Variants in STX1B observed in about 807,000 individuals in gnomAD.
STX1B encodes syntaxin-1B.
Under a neutral mutation model 39.4 loss-of-function variants are expected in STX1B, and 7 were observed. The ratio of observed to expected loss-of-function variants is 0.18; its 90% CI spans 0.10 to 0.33. The LOEUF (loss-of-function observed/expected upper bound fraction) is 0.33, where lower values mean the gene tolerates loss of function less well. STX1B is among the 10% of genes least tolerant of loss of function. The pLI is 1.00. For missense variants in STX1B, 198 were observed against 383.2 expected (o/e 0.52, Z 4.04); for synonymous variants, 136 against 144.1 (o/e 0.94, Z 0.40).
At chr16:31,006,696 C>T (rs1288439805) in intron 1 of STX1B, among the ~76,000 whole-genome samples, 1 of 152,098 alleles carries the variant, frequency 6.6e-6, no homozygotes, top group Non-Finnish European at 1.5e-5. Context: ...CCTGAAGGAG[C>T]CAACTGTGCC....
At chr16:31,005,891 G>A (rs1002325203) in intron 1 of STX1B, among the ~76,000 whole-genome samples, 1 of 152,100 alleles carries the variant, frequency 6.6e-6, no homozygotes, top group Non-Finnish European at 1.5e-5. Context: ...CTCCTCAGGG[G>A]CCCCCTAAGT....
chr16:31,008,554 C>T (rs1035451531), intron 1 of STX1B, among the ~76,000 whole-genome samples: 8 of 152,222 alleles, frequency 5.3e-5, no homozygotes, highest in African/African-American at 1.9e-4. Flanking sequence ...GGTTCAAGTC[C>T]GGATCCCTCA....
chr16:30,997,359 G>T (rs1186087167), intron 5 of STX1B, 143 bp downstream of exon 5: 1 of 348,534 alleles, frequency 2.9e-6, no homozygotes, highest in African/African-American at 2.4e-5. Flanking sequence ...GGCCCCGCCC[G>T]CTCTAGCCTC....
chr16:30,993,510 A>G, intron 7 of STX1B, 26 bp from the exon 8 acceptor site: 1 of 1,611,680 alleles, frequency 6.2e-7, no homozygotes, highest in Non-Finnish European at 8.5e-7. Flanking sequence ...AGAGAGCTAC[A>G]ATCACCCTTC....
chr16:31,010,269 C>A (rs2056674339), intron 1 of STX1B, 98 bp downstream of exon 1: 2 of 1,001,054 alleles, frequency 2.0e-6, no homozygotes, highest in African/African-American at 1.7e-5. Context: ...CCGATCTCAT[C>A]CTTCGCCCCC....
At chr16:31,006,950 A>C (rs564566328) in intron 1 of STX1B, among the ~76,000 whole-genome samples, 1 of 152,060 alleles carries the variant, frequency 6.6e-6, no homozygotes, top group South Asian at 2.1e-4. Context: ...ATCTCTACAA[A>C]AGCAAAAAGA....
At chr16:30,992,950 A>T (rs763593579) in intron 9 of STX1B, 49 bp from the exon 10 acceptor site, 1 of 1,510,936 alleles carries the variant, frequency 6.6e-7, no homozygotes, top group Non-Finnish European at 9.2e-7. Context: ...AGAGATCGAC[A>T]CACGGACAGA....
rs1317136108 is a variant in STX1B, at chr16:30,996,697, T to C, written c.523A>G (p.Ile175Val). 4 of 1,613,930 alleles carry C rather than the reference T, an allele frequency of 2.5e-6. No individual in the cohort carries two copies. The highest frequency in any genetic ancestry group is 2.7e-5 in the African/African-American group (2 of 74,936). The stretch of plus-strand genomic sequence containing the variant: ...CCGCGGCTCACGTCATCTGTGAAGA[T>C]GGCCAGCTTCCCGCTCTCCAGCATG... ...EDMLESGKLA[I>V]FTDDIKMDSQ... Residue 175 changes from isoleucine to valine, a missense_variant, in exon 7 of 10, where the codon ATC becomes GTC. By Grantham distance (29) the Ile-to-Val change is conservative. Coordinates refer to ENST00000215095, the MANE Select transcript of STX1B (RefSeq NM_052874.5).
At chr16:30,993,298 C>T (rs1421685557) in intron 8 of STX1B, 49 bp downstream of exon 8, 3 of 1,613,396 alleles carry the variant, frequency 1.9e-6, no homozygotes, top group African/African-American at 1.3e-5. Context: ...AAGAGGGGAC[C>T]TCAGGCCCAG....
chr16:30,996,940 G>A lies in STX1B; in HGVS notation c.463+11C>T. 6.2e-7 allele frequency: 1 copy of A among 1,608,964 alleles called. No individual in the cohort carries two copies. ...AGGAGTTCGGGGTCCTGGGGTGGGG[G>A]GCACACGCACTGATCTCCAGTTGCC... On this transcript the variant is annotated intron_variant, in intron 6 of 9. Coordinates refer to ENST00000215095, the MANE Select transcript of STX1B (RefSeq NM_052874.5).
At chr16:31,004,510 C>CA (rs1459288118) in intron 1 of STX1B, among the ~76,000 whole-genome samples, 1 of 151,936 alleles carries the variant, frequency 6.6e-6, no homozygotes, top group African/African-American at 2.4e-5. Context: ...CATGTCTCTA[C>CA]AAAAAATACA....
intron 4 of STX1B, among the ~76,000 whole-genome samples, chr16:30,999,951 T>C (rs2056615580): frequency 1.3e-5 from 2 of 152,110 alleles, no homozygotes; most frequent in African/African-American, 4.8e-5. Flanking sequence ...TGGAACTTTG[T>C]AGAAATTCCT....
At chr16:31,002,983 C>T (rs943247080) in intron 1 of STX1B, among the ~76,000 whole-genome samples, 2 of 152,158 alleles carry the variant, frequency 1.3e-5, no homozygotes, top group African/African-American at 4.8e-5. Flanking sequence ...GAGGCTCACA[C>T]GGATCCCAGA....
chr16:31,005,530 A>T (rs1366296439), intron 1 of STX1B, among the ~76,000 whole-genome samples: 2 of 137,072 alleles, frequency 1.5e-5, no homozygotes, highest in East Asian at 4.3e-4. Context: ...CTGGTCTCGA[A>T]CTCCTGGGCT....
Position 30,992,641 on chromosome 16 carries a change from C to CA in STX1B, c.*179_*180insT. 1 of 407,214 alleles carries CA rather than the reference C, an allele frequency of 2.5e-6. No individual in the cohort carries two copies. Among genetic ancestry groups the CA allele is most frequent in the South Asian group, 3.5e-5 (1 of 28,856 alleles). The allele number at this position is 407,214 out of a possible 1,614,324, so 25.2% of individuals were successfully genotyped here. A position where few individuals can be genotyped will look rare whatever the true frequency, so the allele number is the denominator to read the frequency against. The stretch of plus-strand genomic sequence containing the variant: ...GCCTGCTGCGATCTACGTGCGGGGA[C>CA]GGGGGGGGGGTCCATGGCCCGGTGA... On this transcript the variant is annotated 3_prime_UTR_variant, in exon 10 of 10. Coordinates refer to ENST00000215095, the MANE Select transcript of STX1B (RefSeq NM_052874.5).
Position 31,010,472 on chromosome 16 carries a change from A to AG in STX1B, c.-77dup. The AG allele has an allele frequency of 8.7e-7, 1 of 1,145,974 alleles. No homozygotes were observed. The highest frequency in any genetic ancestry group is 1.1e-6 in the Non-Finnish European group (1 of 893,830). 71.0% of individuals were successfully genotyped at this position (1,145,974 alleles called of 1,614,324 possible). On this transcript the variant is annotated 5_prime_UTR_variant, in exon 1 of 10. Transcript: ENST00000215095. ...TCCGGGTCTCCCGCCTCTGTGCCGG[A>AG]GGCCGGGGTCTGGGGGCGCCGGGGG...
Position 30,992,532 on chromosome 16 carries a change from C to A in STX1B, c.*289G>T. 2.7e-6 allele frequency: 1 copy of A among 376,602 alleles called. No individual in the cohort carries two copies. Among genetic ancestry groups the A allele is most frequent in the Non-Finnish European group, 4.9e-6 (1 of 203,456 alleles). The allele number at this position is 376,602 out of a possible 1,614,324, so 23.3% of individuals were successfully genotyped here. On this transcript the variant is annotated 3_prime_UTR_variant, in exon 10 of 10. Coordinates refer to ENST00000215095, the MANE Select transcript of STX1B (RefSeq NM_052874.5). ...AGGGGGTGCTCTGGTGCATCACACA[C>A]ATCACACGCACACGCACGCTGGGGT... is the stretch of plus-strand genomic sequence containing the variant.
In STX1B at chr16:31,001,713, T is replaced by A. The variant is rs1400139691; in HGVS notation, c.31-110A>T. ...CTATGCACACACAGGTGCTCCCAGCTCTAGGCTCAGAGGAGGGGTCCTGGG... is the reference window on the plus strand; with the variant it reads ...CTATGCACACACAGGTGCTCCCAGCACTAGGCTCAGAGGAGGGGTCCTGGG... On this transcript the variant is annotated intron_variant, in intron 1 of 9. Coordinates refer to ENST00000215095, the MANE Select transcript of STX1B (RefSeq NM_052874.5). This position sits in a 1 kb window ranked among gnomAD's most constrained non-coding sequence, Gnocchi z 5.5. The A allele has an allele frequency of 7.3e-6, 6 of 822,172 alleles. No homozygotes were observed. The African/African-American group carries it at 8.6e-5, about 12-fold the overall frequency. 50.9% of individuals were successfully genotyped at this position (822,172 alleles called of 1,614,324 possible).
At chr16:31,005,229 A>G (rs1217921564) in intron 1 of STX1B, among the ~76,000 whole-genome samples, 5 of 152,198 alleles carry the variant, frequency 3.3e-5, no homozygotes, top group Non-Finnish European at 7.3e-5. Flanking sequence ...TAATGAGTAC[A>G]GCATCCATTT....
Sources: gnomAD v4.1 joint callset for allele counts (sites outside exome capture counted in the v4.1 genomes callset) on GRCh38, gnomAD v4.1.1 for gene constraint, Gnocchi (gnomAD v3.1) non-coding constraint, MANE v1.5 for transcripts, NCBI Gene and HGNC (gene_info 2026-07-23, HGNC 2026-07-21) for gene names.